The following SCN10A variants were observed in gnomAD, a reference collection of about 807,000 sequenced individuals.
SCN10A encodes sodium voltage-gated channel alpha subunit 10, also known as sodium channel protein type 10 subunit alpha.
In SCN10A, 162 loss-of-function variants were observed where a neutral mutation model predicts 170.7. The ratio of observed to expected loss-of-function variants is 0.95; its 90% CI spans 0.84 to 1.08. The LOEUF (loss-of-function observed/expected upper bound fraction) is 1.08, where lower values mean the gene tolerates loss of function less well. SCN10A is among the 50% of genes least tolerant of loss of function. The pLI, the probability that SCN10A is intolerant of heterozygous loss-of-function variation, is 0.00. For missense variants in SCN10A, 2,527 were observed against 2,436.9 expected (o/e 1.04, Z -0.78); for synonymous variants, 985 against 904.6 (o/e 1.09, Z -1.59).
At chr3:38,814,621 T>C (rs1024476825) in intron 1 of SCN10A, among the ~76,000 whole-genome samples, 3 of 152,232 alleles carry the variant, frequency 2.0e-5, no homozygotes, top group East Asian at 3.8e-4. Flanking sequence ...TGATGATTGT[T>C]ATCTCAAAAA....
rs370603046 is a variant in SCN10A at position 38,757,059 on chromosome 3, G to A, written c.1051C>T (p.Arg351Cys). 112 of 1,613,494 alleles carry A rather than the reference G, an allele frequency of 6.9e-5. No individual in the cohort carries two copies. The highest frequency in any genetic ancestry group is 8.6e-5 in the Non-Finnish European group (101 of 1,179,806). The stretch of plus-strand genomic sequence containing the variant: ...TCCCAGGAATCCTGTGTCATGAGGC[G>A]GAACAGTGAGAGGAAAGCCCAAGCA... ...SFAWAFLSLF[R>C]LMTQDSWERL... is the part of the protein sequence containing the mutation. Residue 351 changes from arginine (R) to cysteine (C), a missense_variant, in exon 9 of 28, where the codon CGC (arginine) becomes TGC (cysteine). Coordinates refer to ENST00000449082, the MANE Select transcript of SCN10A (RefSeq NM_006514.4).
Position 38,718,686 on chromosome 3 carries a change from A to G in SCN10A, c.3648T>C (p.Asn1216=). Residue 1216 remains asparagine (N), a synonymous_variant, in exon 21 of 28, where the codon AAT becomes AAC. Coordinates refer to ENST00000449082, the MANE Select transcript of SCN10A (RefSeq NM_006514.4). ...TGAGGAAGTCCAGCCAGCACCAGGC[A>G]TTGGTGAAGTACTTTTTGAAGCCAT... The part of the protein sequence containing the change: ...VAYGFKKYFT[N]AWCWLDFLIV... 1 of 1,614,228 alleles carries G rather than the reference A, an allele frequency of 6.2e-7. No homozygotes were observed. Among genetic ancestry groups the G allele is most frequent in the South Asian group, 1.1e-5 (1 of 91,084 alleles).
chr3:38,699,729 T>C (rs747072299), intron 27 of SCN10A, among the ~76,000 whole-genome samples: 18 of 152,148 alleles, frequency 1.2e-4, no homozygotes, highest in Non-Finnish European at 2.9e-5. Flanking sequence ...TCTGGTAAAA[T>C]TTTCTGCCAG....
intron 1 of SCN10A, among the ~76,000 whole-genome samples, chr3:38,799,621 G>A (rs2064359715): frequency 6.6e-6 from 1 of 152,148 alleles, no homozygotes; most frequent in Admixed American, 6.5e-5. Flanking sequence ...ACGTGCTTCT[G>A]CCTGATGCTC....
At chr3:38,776,378 C>T (rs913993544) in intron 4 of SCN10A, among the ~76,000 whole-genome samples, 2 of 151,962 alleles carry the variant, frequency 1.3e-5, no homozygotes, top group South Asian at 2.1e-4. Flanking sequence ...AAACCACTTT[C>T]GAAGTGATGA....
In SCN10A at chr3:38,712,432, G is replaced by A. The variant is rs776408436; in HGVS notation, c.3818C>T (p.Ala1273Val). 7 of 1,613,570 alleles carry A rather than the reference G, an allele frequency of 4.3e-6. No individual in the cohort carries two copies. The Admixed American group carries it at 8.3e-5, about 19-fold the overall frequency. ...GATGGATGGGATGGCGCCCACCAGGGCATCCACCACCACCTGGTGGGAGAT... is the reference window on the plus strand; with the variant it reads ...GATGGATGGGATGGCGCCCACCAGGACATCCACCACCACCTGGTGGGAGAT... The part of the protein sequence containing the change: ...RFEGMRVVVD[A>V]LVGAIPSIMN... The change falls in exon 23 of 28, where the codon GCC becomes GTC. Residue 1273 changes from alanine (A) to valine (V), a missense_variant. By Grantham distance (64) the Ala-to-Val change is moderately conservative. Transcript: ENST00000449082.
intron 4 of SCN10A, among the ~76,000 whole-genome samples, chr3:38,772,720 ACAACAAAAACAAAAAC>A (rs1559457228): frequency 5.7e-5 from 5 of 88,072 alleles, no homozygotes; most frequent in South Asian, 3.6e-4. Context: ...AACAACAACA[ACAACAAAAACAAAAAC>A]AAAAAAAAAA....
intron 5 of SCN10A, among the ~76,000 whole-genome samples, chr3:38,765,513 T>C (rs2063922317): frequency 6.6e-6 from 1 of 152,186 alleles, no homozygotes; most frequent in African/African-American, 2.4e-5. Flanking sequence ...CAAAGATCAG[T>C]TGCTTGTAAG....
intron 4 of SCN10A, among the ~76,000 whole-genome samples, chr3:38,781,422 A>ATT (rs2064137375): frequency 5.9e-5 from 9 of 152,294 alleles, no homozygotes; most frequent in Non-Finnish European, 1.2e-4. Context: ...GTCAACAGAA[A>ATT]GGGCCCAATT....
intron 1 of SCN10A, among the ~76,000 whole-genome samples, chr3:38,813,488 C>A (rs747832910): frequency 9.2e-5 from 14 of 152,198 alleles, no homozygotes; most frequent in Non-Finnish European, 1.3e-4. Context: ...CCTTTTTGTG[C>A]ATCCCCTGTT....
chr3:38,710,417 A>G (rs989939272), intron 24 of SCN10A, among the ~76,000 whole-genome samples: 2 of 152,000 alleles, frequency 1.3e-5, no homozygotes, highest in African/African-American at 4.8e-5. Context: ...CGGCCTCCCA[A>G]AGTGCTAGGA....
intron 15 of SCN10A, among the ~76,000 whole-genome samples, chr3:38,732,592 G>T (rs1054095938): frequency 6.6e-6 from 1 of 152,206 alleles, no homozygotes; most frequent in African/African-American, 2.4e-5. Flanking sequence ...TCAACTATGT[G>T]GCACTGGCTT....
At chr3:38,762,588 A>G (rs571753726) in intron 6 of SCN10A, among the ~76,000 whole-genome samples, 1 of 152,084 alleles carries the variant, frequency 6.6e-6, no homozygotes, top group African/African-American at 2.4e-5. Context: ...GAGAGGTGAG[A>G]GATGAGGCAG....
intron 15 of SCN10A, among the ~76,000 whole-genome samples, chr3:38,733,716 A>T (rs1416117473): frequency 6.6e-6 from 1 of 151,774 alleles, no homozygotes; most frequent in African/African-American, 2.4e-5. Context: ...TTTAAAATTT[A>T]TTTATTTATT....
chr3:38,810,624 T>C (rs2064434858), intron 1 of SCN10A, among the ~76,000 whole-genome samples: 1 of 152,234 alleles, frequency 6.6e-6, no homozygotes, highest in Non-Finnish European at 1.5e-5. Flanking sequence ...TTTAAAATTA[T>C]ATTTATTTGT....
In SCN10A at chr3:38,755,973, C is replaced by A. The variant is rs1033281970; in HGVS notation, c.1291-15G>T. On this transcript the variant is annotated splice_polypyrimidine_tract_variant and intron_variant, in intron 10 of 27. Transcript: ENST00000449082. Reference sequence around the variant, plus strand: ...GCTGCTAGCACCTGCGAAGAGAGAACAGCAGGTGTAGCCAATAGTATTTGC... The same window carrying A: ...GCTGCTAGCACCTGCGAAGAGAGAAAAGCAGGTGTAGCCAATAGTATTTGC... 6.2e-7 allele frequency: 1 copy of A among 1,614,112 alleles called. No homozygotes were observed.
intron 27 of SCN10A, among the ~76,000 whole-genome samples, chr3:38,700,430 T>C (rs2063144468): frequency 6.6e-6 from 1 of 152,160 alleles, no homozygotes; most frequent in Non-Finnish European, 1.5e-5. Context: ...AGAGAATAAA[T>C]CTTAAGTGTT....
chr3:38,809,276 C>A (rs913839579), intron 1 of SCN10A, among the ~76,000 whole-genome samples: 1 of 152,144 alleles, frequency 6.6e-6, no homozygotes, highest in Non-Finnish European at 1.5e-5. Context: ...TAGAAGACTA[C>A]TCTTCATAGA....
intron 17 of SCN10A, among the ~76,000 whole-genome samples, 181 bp from the exon 18 acceptor site, chr3:38,725,495 C>A (rs1351460996): frequency 6.6e-6 from 1 of 152,206 alleles, no homozygotes; most frequent in Non-Finnish European, 1.5e-5. Context: ...CTAGATAGAC[C>A]TATGTTTTAT....
Sources: allele counts gnomAD v4.1 joint callset (sites outside exome capture counted in the v4.1 genomes callset), GRCh38; gene constraint gnomAD v4.1.1; transcripts MANE v1.5; gene names NCBI Gene and HGNC (gene_info 2026-07-23, HGNC 2026-07-21).